Variants in KAZN observed in about 807,000 individuals in gnomAD.
The protein encoded by KAZN is kazrin, periplakin interacting protein, also known as kazrin.
A neutral mutation model predicts 87.4 loss-of-function variants in KAZN; 40 were observed. The ratio of observed to expected loss-of-function variants is 0.46; its 90% CI spans 0.36 to 0.60. The LOEUF (loss-of-function observed/expected upper bound fraction) is 0.60. Ranked by LOEUF, KAZN falls within the 20% of genes least tolerant of loss-of-function variation. The pLI is 0.00. For missense variants in KAZN, 898 were observed against 1,073.9 expected (o/e 0.84, Z 2.29); for synonymous variants, 466 against 458.3 (o/e 1.02, Z -0.22).
intron 1 of KAZN, among the ~76,000 whole-genome samples, chr1:13,904,405 A>G (rs185013540): frequency 9.2e-5 from 14 of 152,182 alleles, no homozygotes; most frequent in Non-Finnish European, 1.2e-4. Flanking sequence ...GGATCAGGCC[A>G]GTCACAGCTG....
At chr1:14,341,904 G>A (rs1456942490) in intron 2 of KAZN, among the ~76,000 whole-genome samples, 8 of 152,150 alleles carry the variant, frequency 5.3e-5, no homozygotes, top group Non-Finnish European at 2.9e-5. Flanking sequence ...ATGGGGGTTT[G>A]TCGTACAGAT....
chr1:13,956,095 GA>G (rs1570380654), intron 1 of KAZN, among the ~76,000 whole-genome samples: 2 of 152,124 alleles, frequency 1.3e-5, no homozygotes. Context: ...ATTAGAACCG[GA>G]AACTCAGTTC....
chr1:15,093,670 G>C (rs560946355), intron 8 of KAZN, among the ~76,000 whole-genome samples: 2 of 152,208 alleles, frequency 1.3e-5, no homozygotes, highest in Non-Finnish European at 2.9e-5. Context: ...TGCCAGGTGA[G>C]CAGAGGGGTG....
In KAZN at chr1:14,856,830, C is replaced by CT. The variant is rs1239671145; in HGVS notation, c.227-103848dup. Reference sequence around the variant, plus strand: ...GTTTGCAATTCAATCGGAACTCAGACTTTTTTCCTCTGTTGTCATCCTTTG... The same window carrying CT: ...GTTTGCAATTCAATCGGAACTCAGACTTTTTTTCCTCTGTTGTCATCCTTTG... On this transcript the variant is annotated intron_variant, in intron 1 of 14. Coordinates refer to ENST00000376030, the MANE Select transcript of KAZN (RefSeq NM_201628.3). This position sits in a 1 kb window ranked among gnomAD's most constrained non-coding sequence, Gnocchi z 5.2. 6.6e-6 allele frequency among the ~76,000 whole-genome samples: 1 copy of CT among 152,158 alleles called. No individual in the cohort carries two copies. Among genetic ancestry groups the CT allele is most frequent in the African/African-American group, 2.4e-5 (1 of 41,440 alleles).
intron 1 of KAZN, among the ~76,000 whole-genome samples, chr1:14,100,274 C>G (rs777739569): frequency 6.6e-6 from 1 of 152,174 alleles, no homozygotes; most frequent in African/African-American, 2.4e-5. Flanking sequence ...GAGGCATACA[C>G]GGAGTCAATG....
At chr1:14,847,818 A>T (rs1380623754) in intron 1 of KAZN, among the ~76,000 whole-genome samples, 1 of 152,146 alleles carries the variant, frequency 6.6e-6, no homozygotes. Context: ...TCGTCTCTAC[A>T]AAATATTTTA....
At chr1:14,889,040 T>C (rs1036060186) in intron 1 of KAZN, among the ~76,000 whole-genome samples, 21 of 152,210 alleles carry the variant, frequency 1.4e-4, no homozygotes, top group African/African-American at 5.1e-4. Context: ...CATCTCATAG[T>C]GTTTTAAGAA....
At chr1:14,002,051 A>G (rs1342747489) in intron 1 of KAZN, among the ~76,000 whole-genome samples, 2 of 152,248 alleles carry the variant, frequency 1.3e-5, no homozygotes, top group Non-Finnish European at 2.9e-5. Flanking sequence ...AACTATTATC[A>G]GAGTGAACAG....
In KAZN at chr1:14,145,051, T is replaced by C. The variant is rs77301747; in HGVS notation, c.92-35384T>C. On this transcript the variant is annotated intron_variant, in intron 1 of 16. Coordinates refer to the KAZN transcript ENST00000636203. ...TGTCTTTATTTCATTGTTTAATCAATTTTCAGACCATAGCTCTTCTAGGAT... is the reference window on the plus strand; with the variant it reads ...TGTCTTTATTTCATTGTTTAATCAACTTTCAGACCATAGCTCTTCTAGGAT... Among the ~76,000 whole-genome samples the C allele has an allele frequency of 6.0e-4, 91 of 152,308 alleles. 1 individual carries two copies. In the East Asian group the frequency reaches 0.016, roughly 27 times the overall value.
In KAZN at chr1:15,003,088, C is replaced by T. The variant is rs564559893; in HGVS notation, c.419-31661C>T. Among the ~76,000 whole-genome samples the T allele has an allele frequency of 2.0e-5, 3 of 149,822 alleles. No individual in the cohort carries two copies. In the South Asian group the frequency reaches 6.6e-4, roughly 33 times the overall value. ...CGACAGAAGGGCACAGACAGGTAAA[C>T]GAAGGCACCAAAGGCCCCACGGCTG... On this transcript the variant is annotated intron_variant, in intron 2 of 14. Transcript: ENST00000376030.
chr1:14,223,118 C>T (rs1469079568), intron 2 of KAZN: 1 of 152,122 alleles, frequency 6.6e-6, no homozygotes, highest in Non-Finnish European at 1.5e-5. Flanking sequence ...TTTTTTGGAG[C>T]CAGTGTGGTT....
chr1:14,463,494 A>G (rs923731688), intron 2 of KAZN, among the ~76,000 whole-genome samples: 58 of 152,348 alleles, frequency 3.8e-4, no homozygotes, highest in African/African-American at 1.3e-3. Context: ...GTATATTTCT[A>G]TAAGGTGCTT....
intron 2 of KAZN, among the ~76,000 whole-genome samples, chr1:14,280,027 G>A (rs1001161905): frequency 1.3e-5 from 2 of 152,076 alleles, no homozygotes; most frequent in Admixed American, 6.5e-5. Flanking sequence ...TCAGAATGTG[G>A]CCCTATTTGG....
chr1:14,115,635 T>C (rs573069401), intron 1 of KAZN, among the ~76,000 whole-genome samples: 1 of 152,234 alleles, frequency 6.6e-6, no homozygotes, highest in South Asian at 2.1e-4. Context: ...TGAATTAATA[T>C]AGTAAATTGG....
At chr1:15,092,814 T>C (rs1640615378) in intron 8 of KAZN, among the ~76,000 whole-genome samples, 1 of 152,158 alleles carries the variant, frequency 6.6e-6, no homozygotes, top group African/African-American at 2.4e-5. Flanking sequence ...GAGAGATTCT[T>C]TTCCCCTCTC....
At chr1:14,353,657 T>C (rs887045452) in intron 2 of KAZN, among the ~76,000 whole-genome samples, 1 of 152,188 alleles carries the variant, frequency 6.6e-6, no homozygotes, top group Non-Finnish European at 1.5e-5. Context: ...CAAGAAACAA[T>C]TGGAAAGCAA....
chr1:14,844,912 T>G (rs61772323), intron 1 of KAZN, among the ~76,000 whole-genome samples: 8,216 of 151,850 alleles, frequency 0.054, 329 homozygotes, highest in Admixed American at 0.11. Context: ...GTTGGTGTTT[T>G]GGTGGGTGGG....
At chr1:14,962,110 G>T (rs923987639) in intron 2 of KAZN, among the ~76,000 whole-genome samples, 1 of 152,240 alleles carries the variant, frequency 6.6e-6, no homozygotes, top group Non-Finnish European at 1.5e-5. Context: ...CAGTTAATCG[G>T]CTCAGTGAGA....
intron 1 of KAZN, among the ~76,000 whole-genome samples, chr1:13,942,049 C>A (rs1640946999): frequency 6.6e-6 from 1 of 152,168 alleles, no homozygotes; most frequent in African/African-American, 2.4e-5. Context: ...AAATTAAGGT[C>A]TGCTAAGGAG....
Sources: allele counts gnomAD v4.1 joint callset (sites outside exome capture counted in the v4.1 genomes callset), GRCh38; gene constraint gnomAD v4.1.1; non-coding constraint Gnocchi (gnomAD v3.1); transcripts MANE v1.5; gene names NCBI Gene and HGNC (gene_info 2026-07-23, HGNC 2026-07-21).